Variants in ZIM3 observed in about 807,000 individuals in gnomAD.
ZIM3 encodes the protein zinc finger protein 657.
A neutral mutation model predicts 12.9 loss-of-function variants in ZIM3; 11 were observed. The observed-to-expected ratio is 0.85, with a 90% CI of 0.54 to 1.41. The LOEUF (loss-of-function observed/expected upper bound fraction) is 1.41. ZIM3 is among the 40% of genes most tolerant of loss of function. The pLI is 0.00. For synonymous variants in ZIM3, 205 were observed against 198.5 expected, an observed-to-expected ratio of 1.03 and a Z score of -0.28; for missense variants, 604 against 557.2, an observed-to-expected ratio of 1.08 and a Z score of -0.85.
chr19:57,135,571 A>T lies in ZIM3; in HGVS notation c.766T>A (p.Cys256Ser). Residue 256 changes from cysteine to serine, a missense_variant, in exon 5 of 5, where the codon TGT (cysteine) becomes AGT (serine). Physicochemically the swap from Cys to Ser is moderately radical, Grantham distance 112. Coordinates refer to ENST00000269834, the MANE Select transcript of ZIM3 (RefSeq NM_052882.1). ...TKEKPYQCKT[C>S]GKAFSWKSSC... ...GATTTCCAGGAAAAGGCTTTTCCACATGTCTTACACTGATAGGGTTTCTCT... is the reference window on the plus strand; with the variant it reads ...GATTTCCAGGAAAAGGCTTTTCCACTTGTCTTACACTGATAGGGTTTCTCT... 6.2e-7 allele frequency: 1 copy of T among 1,613,942 alleles called. No homozygotes were observed. Among genetic ancestry groups the T allele is most frequent in the Non-Finnish European group, 8.5e-7 (1 of 1,179,952 alleles).
chr19:57,143,262 C>T lies in ZIM3; in HGVS notation c.-42-577G>A, dbSNP rs370731459. On this transcript the variant is annotated intron_variant, in intron 1 of 4. Coordinates refer to ENST00000269834, the MANE Select transcript of ZIM3 (RefSeq NM_052882.1). The stretch of plus-strand genomic sequence containing the variant: ...AGGAGAATGGCGGGAACCCGGGAGG[C>T]GGAGCTTGCAGTGAGCCGAGATCGC... 1.7e-3 allele frequency among the ~76,000 whole-genome samples: 260 copies of T among 150,472 alleles called. 2 individuals are homozygous for T. The highest frequency in any genetic ancestry group is 5.9e-3 in the African/African-American group (243 of 40,980).
rs527336956 is a variant in ZIM3, at chr19:57,135,986, A to T, written c.351T>A (p.Gly117=). ...INKETLTTQK[G]VECDGSKKIL... ...TTTTCTTAGATCCGTCACATTCTACACCTTTCTGCGTAGTCAGCGTTTCCT... is the reference window on the plus strand; with the variant it reads ...TTTTCTTAGATCCGTCACATTCTACTCCTTTCTGCGTAGTCAGCGTTTCCT... Residue 117 remains glycine (G), a synonymous_variant, in exon 5 of 5, where the codon GGT becomes GGA. Transcript: ENST00000269834. 1 of 1,613,962 alleles carries T rather than the reference A, an allele frequency of 6.2e-7. No homozygotes were observed. The highest frequency in any genetic ancestry group is 1.3e-5 in the African/African-American group (1 of 74,888).
chr19:57,142,848 T>G (rs77434521), intron 1 of ZIM3, among the ~76,000 whole-genome samples, 163 bp from the exon 2 acceptor site: 9,052 of 152,124 alleles, frequency 0.06, 699 homozygotes, highest in East Asian at 0.4. Flanking sequence ...GTCTTTTTTT[T>G]TTTTGTTTTG....
Position 57,138,463 on chromosome 19 carries a change from C to G in ZIM3, c.142+9G>C. 6.2e-7 allele frequency: 1 copy of G among 1,614,106 alleles called. No homozygotes were observed. Among genetic ancestry groups the G allele is most frequent in the Non-Finnish European group, 8.5e-7 (1 of 1,180,018 alleles). On this transcript the variant is annotated intron_variant, in intron 3 of 4. Coordinates refer to ENST00000269834, the MANE Select transcript of ZIM3 (RefSeq NM_052882.1). ...TTTTGAGTCCCCCTGCCCGGGAAGC[C>G]GTCCTTACCCACAGAGACAAGGTTG...
At position 57,134,932 on chromosome 19, in the gene ZIM3, T is replaced by A; in HGVS notation, c.1405A>T (p.Ile469Phe). Residue 469 changes from isoleucine (I) to phenylalanine (F), a missense_variant, in exon 5 of 5, where the codon ATT (isoleucine) becomes TTT (phenylalanine). Coordinates refer to ENST00000269834, the MANE Select transcript of ZIM3 (RefSeq NM_052882.1). ...RSYLVRHQKRIHSR is the reference protein window; with the variant it reads ...RSYLVRHQKRFHSR ...GCATGGGGCTCCTATCTGGAGTGAA[T>A]TCTTTTCTGGTGCCTAACAAGGTAT... The A allele has an allele frequency of 6.2e-7, 1 of 1,611,182 alleles. No individual in the cohort carries two copies. The highest frequency in any genetic ancestry group is 8.5e-7 in the Non-Finnish European group (1 of 1,178,462).
In ZIM3 at chr19:57,135,280, G is replaced by A. The variant is rs1043666458; in HGVS notation, c.1057C>T (p.His353Tyr). Residue 353 changes from histidine (H) to tyrosine (Y), a missense_variant, in exon 5 of 5, where the codon CAT becomes TAT. His to Tyr is a moderately conservative substitution (Grantham distance 83, BLOSUM62 2). Transcript: ENST00000269834. Reference protein sequence around the residue: ...AFSQKSNVIDHEKIHTGKRAY... With the variant: ...AFSQKSNVIDYEKIHTGKRAY... The stretch of plus-strand genomic sequence containing the variant: ...CTCTTCCCAGTGTGAATTTTCTCAT[G>A]ATCGATGACATTGGATTTCTGGGAA... The A allele has an allele frequency of 6.2e-7, 1 of 1,614,060 alleles. No individual in the cohort carries two copies. Among genetic ancestry groups the A allele is most frequent in the African/African-American group, 1.3e-5 (1 of 75,010 alleles).
At chr19:57,140,256 A>G (rs932324604) in intron 2 of ZIM3, among the ~76,000 whole-genome samples, 1 of 152,040 alleles carries the variant, frequency 6.6e-6, no homozygotes, top group African/African-American at 2.4e-5. Context: ...GGCTCACTGC[A>G]ACCTCCACCT....
intron 3 of ZIM3, among the ~76,000 whole-genome samples, chr19:57,137,982 AGAAG>A (rs1168375516): frequency 4.3e-4 from 17 of 39,692 alleles, no homozygotes; most frequent in South Asian, 1.1e-3. Flanking sequence ...AAGGAAGGAA[AGAAG>A]GAAGGAAGGA....
intron 2 of ZIM3, among the ~76,000 whole-genome samples, chr19:57,139,058 G>A (rs2086902286): frequency 6.6e-6 from 1 of 152,202 alleles, no homozygotes; most frequent in Non-Finnish European, 1.5e-5. Context: ...CGGGCACGGT[G>A]GCTCACACCT....
At chr19:57,142,384 C>T (rs10418415) in intron 2 of ZIM3, among the ~76,000 whole-genome samples, 3 of 151,990 alleles carry the variant, frequency 2.0e-5, no homozygotes, top group South Asian at 2.1e-4. Flanking sequence ...TCAAGCGATC[C>T]GCCTGCCTTG....
At chr19:57,140,663 G>A (rs183162089) in intron 2 of ZIM3, among the ~76,000 whole-genome samples, 1 of 151,718 alleles carries the variant, frequency 6.6e-6, no homozygotes, top group Non-Finnish European at 1.5e-5. Flanking sequence ...TTGTAGACAG[G>A]GTCTCACTAT....
At chr19:57,141,510 T>C (rs1190902631) in intron 2 of ZIM3, among the ~76,000 whole-genome samples, 1 of 152,120 alleles carries the variant, frequency 6.6e-6, no homozygotes, top group African/African-American at 2.4e-5. Context: ...GTTTTTGTTT[T>C]TGTTTTTTGG....
At chr19:57,139,914 T>A (rs1229151366) in intron 2 of ZIM3, among the ~76,000 whole-genome samples, 1 of 152,122 alleles carries the variant, frequency 6.6e-6, no homozygotes, top group East Asian at 1.9e-4. Flanking sequence ...GCGTCTGGCA[T>A]GTCTACCACA....
intron 1 of ZIM3, 31 bp from the exon 2 acceptor site, chr19:57,142,716 A>G: frequency 1.3e-6 from 2 of 1,567,536 alleles, no homozygotes; most frequent in Non-Finnish European, 8.8e-7. Context: ...ACCATGAAAT[A>G]GCAGAATTCG....
intron 1 of ZIM3, among the ~76,000 whole-genome samples, chr19:57,143,277 G>A (rs1375998529): frequency 1.3e-5 from 2 of 151,328 alleles, no homozygotes; most frequent in Non-Finnish European, 2.9e-5. Flanking sequence ...CTTGCAGTGA[G>A]CCGAGATCGC....
Position 57,144,057 on chromosome 19 carries a change from A to G in ZIM3, c.-43+802T>C, listed in dbSNP as rs561715653. The stretch of plus-strand genomic sequence containing the variant: ...TTAAGTAATAAAGTTTTTATTTTTT[A>G]TTTTATTTTATTGAGGCAGGGTCTC... On this transcript the variant is annotated intron_variant, in intron 1 of 4. Transcript: ENST00000269834. 2.6e-4 allele frequency among the ~76,000 whole-genome samples: 39 copies of G among 150,458 alleles called. No individual in the cohort carries two copies. In the South Asian group the frequency reaches 5.3e-3, roughly 20 times the overall value.
chr19:57,142,566 G>A, intron 2 of ZIM3, 63 bp downstream of exon 2: 1 of 1,570,456 alleles, frequency 6.4e-7, no homozygotes, highest in Non-Finnish European at 8.7e-7. Context: ...TTAATTCTGA[G>A]CAAGAGGAAC....
intron 4 of ZIM3, among the ~76,000 whole-genome samples, chr19:57,136,528 G>A (rs2086887529): frequency 6.6e-6 from 1 of 151,976 alleles, no homozygotes; most frequent in African/African-American, 2.4e-5. Context: ...GCCGGGCATG[G>A]TGGCAAGTGC....
chr19:57,136,605 A>T (rs1025657763), intron 4 of ZIM3, among the ~76,000 whole-genome samples: 6 of 150,852 alleles, frequency 4.0e-5, no homozygotes, highest in Non-Finnish European at 2.9e-5. Flanking sequence ...CGGAGGTTGC[A>T]GTGAGCCCAG....
Sources: gnomAD v4.1 joint callset for allele counts (sites outside exome capture counted in the v4.1 genomes callset) on GRCh38, gnomAD v4.1.1 for gene constraint, MANE v1.5 for transcripts, NCBI Gene and HGNC (gene_info 2026-07-23, HGNC 2026-07-21) for gene names.